Variants in ZNF43 observed in about 807,000 individuals in gnomAD.
The protein encoded by ZNF43 is zinc finger protein 43, also known as zinc finger protein 39-like 1 (KOX 27).
In ZNF43, 44 loss-of-function variants were observed where a neutral mutation model predicts 68.4. That is an observed-to-expected ratio of 0.64 (90% CI 0.51 to 0.83). ZNF43 has a LOEUF of 0.83. Among genes scored for constraint, ZNF43 ranks in the 40% least tolerant of loss-of-function variants. ZNF43 has a pLI of 0.00. For synonymous variants in ZNF43, 308 were observed against 307.8 expected (o/e 1.00, Z -0.01); for missense variants, 896 against 933.2 (o/e 0.96, Z 0.52).
intron 1 of ZNF43, among the ~76,000 whole-genome samples, chr19:21,830,642 G>A: frequency 7.3e-6 from 1 of 136,456 alleles, no homozygotes; most frequent in African/African-American, 2.7e-5. Flanking sequence ...TAAAAAACCA[G>A]AATCAGACAT....
At chr19:21,851,777 G>C in intron 1 of ZNF43, 1 of 1,010,324 alleles carries the variant, frequency 9.9e-7, no homozygotes, top group Non-Finnish European at 1.4e-6. Context: ...CCGCCATCTT[G>C]CGGCCAGAGG....
intron 3 of ZNF43, among the ~76,000 whole-genome samples, chr19:21,811,193 C>A (rs759762142): frequency 6.6e-6 from 1 of 152,092 alleles, no homozygotes; most frequent in Non-Finnish European, 1.5e-5. Flanking sequence ...TTCAATGGTA[C>A]AATTTTTCAC....
intron 1 of ZNF43, among the ~76,000 whole-genome samples, chr19:21,828,462 C>T (rs977110620): frequency 1.4e-4 from 22 of 151,968 alleles, no homozygotes; most frequent in Non-Finnish European, 2.8e-4. Flanking sequence ...TGCCTGTAAT[C>T]CCAATACTTT....
intron 1 of ZNF43, among the ~76,000 whole-genome samples, chr19:21,846,843 T>C (rs567480925): frequency 1.4e-4 from 21 of 152,140 alleles, no homozygotes; most frequent in Non-Finnish European, 2.9e-4. Flanking sequence ...ATAAAAGTTA[T>C]ATCACCTGGC....
At chr19:21,819,883 C>T (rs1377140403) in intron 1 of ZNF43, among the ~76,000 whole-genome samples, 3 of 151,994 alleles carry the variant, frequency 2.0e-5, no homozygotes, top group African/African-American at 4.8e-5. Flanking sequence ...TGATGGTTTA[C>T]GTACATCAGT....
At chr19:21,843,331 A>G in intron 1 of ZNF43, 1 of 983,798 alleles carries the variant, frequency 1.0e-6, no homozygotes, top group Non-Finnish European at 1.2e-6. Flanking sequence ...TCACACCTGC[A>G]GAAAGACCCA....
In ZNF43 at chr19:21,817,888, C is replaced by T; in HGVS notation, c.229G>A (p.Val77Ile). The T allele has an allele frequency of 2.5e-6, 4 of 1,612,438 alleles. No homozygotes were observed. Among genetic ancestry groups the T allele is most frequent in the Non-Finnish European group, 3.4e-6 (4 of 1,178,826 alleles). Residue 77 changes from valine to isoleucine, a missense_variant and splice_region_variant, in exon 3 of 4, where the codon GTT (valine) becomes ATT (isoleucine). Coordinates refer to ENST00000354959, the MANE Select transcript of ZNF43 (RefSeq NM_003423.4). ...RRHEMVAKPP[V>I]MCSHFTQDFW... ...TGTATTCACTTTCACTCTCACCTAC[C>T]TGGGGGTTTGGCTACCATTTCATGT...
upstream of ZNF43, among the ~76,000 whole-genome samples, chr19:21,838,544 T>C (rs1274178699): frequency 6.6e-6 from 1 of 151,956 alleles, no homozygotes; most frequent in Non-Finnish European, 1.5e-5. Context: ...GGATTACAGA[T>C]GTGCGCTACC....
At chr19:21,828,160 A>G (rs768569765) in intron 1 of ZNF43, among the ~76,000 whole-genome samples, 7 of 152,262 alleles carry the variant, frequency 4.6e-5, no homozygotes, top group Non-Finnish European at 8.8e-5. Context: ...GATATTAGAT[A>G]TAAATATCTA....
Position 21,833,106 on chromosome 19 carries a change from C to T in ZNF43, c.3+2930G>A, listed in dbSNP as rs189816353. On this transcript the variant is annotated intron_variant, in intron 1 of 3. Coordinates refer to ENST00000354959, the MANE Select transcript of ZNF43 (RefSeq NM_003423.4). ...ATAAAAATGTATTAATTTTGTACAG[C>T]CAAATAAAATAGATTTTCCCTATTC... Among the ~76,000 whole-genome samples the T allele has an allele frequency of 3.9e-3, 588 of 152,172 alleles. 1 individual carries two copies. The highest frequency in any genetic ancestry group is 6.7e-3 in the Non-Finnish European group (453 of 68,016).
chr19:21,844,673 G>A (rs1271337562), intron 1 of ZNF43, among the ~76,000 whole-genome samples: 1 of 151,158 alleles, frequency 6.6e-6, no homozygotes, highest in Non-Finnish European at 1.5e-5. Context: ...CGAGGCAGGC[G>A]GACCATGAGG....
chr19:21,812,926 C>T (rs1441576917), intron 3 of ZNF43, among the ~76,000 whole-genome samples: 1 of 122,066 alleles, frequency 8.2e-6, no homozygotes, highest in Non-Finnish European at 1.6e-5. Flanking sequence ...GAGTGTGACT[C>T]CATCTCAAAA....
intron 1 of ZNF43, 22 bp from the exon 2 acceptor site, chr19:21,819,243 C>T: frequency 6.4e-7 from 1 of 1,554,046 alleles, no homozygotes; most frequent in Non-Finnish European, 8.6e-7. Flanking sequence ...AACACATACA[C>T]ACACAAACAC....
chr19:21,849,164 G>A (rs1367228255), intron 1 of ZNF43, among the ~76,000 whole-genome samples: 1 of 152,104 alleles, frequency 6.6e-6, no homozygotes, highest in African/African-American at 2.4e-5. Context: ...GACACTCTCT[G>A]TACCACGAGA....
chr19:21,808,573 G>C lies in ZNF43; in HGVS notation c.1464C>G (p.Gly488=). The C allele has an allele frequency of 7.4e-6, 12 of 1,612,632 alleles. No individual in the cohort carries two copies. Among genetic ancestry groups the C allele is most frequent in the Non-Finnish European group, 1.0e-5 (12 of 1,179,682 alleles). ...AEKPYKCEEC[G]KAFSRSSNLT... The stretch of plus-strand genomic sequence containing the variant: ...GGTTTGAGGACCGGCTAAAAGCTTT[G>C]CCACATTCTTCACATTTGTACGGTT... The change falls in exon 4 of 4, where the codon GGC becomes GGG. Residue 488 remains glycine, a synonymous_variant. Transcript: ENST00000354959.
chr19:21,807,171 T>C lies in ZNF43; in HGVS notation c.*436A>G, dbSNP rs2036979214. Reference sequence around the variant, plus strand: ...TGTTGAACAGTATTTGAGCAACTGCTTCAGGGTTTTCTTTAGTACAAAATG... The same window carrying C: ...TGTTGAACAGTATTTGAGCAACTGCCTCAGGGTTTTCTTTAGTACAAAATG... On this transcript the variant is annotated 3_prime_UTR_variant, in exon 4 of 4. Coordinates refer to ENST00000354959, the MANE Select transcript of ZNF43 (RefSeq NM_003423.4). 1 of 153,004 alleles carries C rather than the reference T, an allele frequency of 6.5e-6. No homozygotes were observed. Among genetic ancestry groups the C allele is most frequent in the Non-Finnish European group, 1.5e-5 (1 of 68,632 alleles). The allele number at this position is 153,004 out of a possible 1,614,324, so 9.5% of individuals were successfully genotyped here.
exon 1 of ZNF43, chr19:21,851,988 C>A: frequency 1.3e-6 from 2 of 1,521,936 alleles, no homozygotes; most frequent in East Asian, 2.6e-5. Flanking sequence ...GAGGCTGCGA[C>A]AAAGTCACCG....
chr19:21,838,393 T>C (rs986650126), upstream of ZNF43, among the ~76,000 whole-genome samples: 1 of 141,266 alleles, frequency 7.1e-6, no homozygotes, highest in Non-Finnish European at 1.5e-5. Flanking sequence ...GAATAGCCCA[T>C]TCTAAATTTT....
intron 1 of ZNF43, among the ~76,000 whole-genome samples, chr19:21,846,380 T>C (rs1967956578): frequency 6.6e-6 from 1 of 152,216 alleles, no homozygotes; most frequent in South Asian, 2.1e-4. Flanking sequence ...ATCACCTGTG[T>C]GCTGGGCCAA....
Sources: allele counts gnomAD v4.1 joint callset (sites outside exome capture counted in the v4.1 genomes callset), GRCh38; gene constraint gnomAD v4.1.1; transcripts MANE v1.5; gene names NCBI Gene and HGNC (gene_info 2026-07-23, HGNC 2026-07-21).